The following HIPK3 variants were observed in gnomAD, a reference collection of about 807,000 sequenced individuals.
HIPK3 encodes homeodomain-interacting protein kinase 3.
HIPK3 carries 47 observed loss-of-function variants against 124.2 expected under a neutral mutation model. That is an observed-to-expected ratio of 0.38 (90% CI 0.30 to 0.48). HIPK3 has a LOEUF of 0.48. HIPK3 is among the 20% of genes least tolerant of loss of function. HIPK3 has a pLI of 0.98. For synonymous variants in HIPK3, 482 were observed against 515.2 expected, an observed-to-expected ratio of 0.94 and a Z score of 0.87; for missense variants, 1,286 against 1,454.3, an observed-to-expected ratio of 0.88 and a Z score of 1.88.
intron 1 of HIPK3, among the ~76,000 whole-genome samples, chr11:33,275,316 G>A (rs1341146614): frequency 6.6e-6 from 1 of 152,168 alleles, no homozygotes; most frequent in Admixed American, 6.5e-5. Context: ...GGGATTACAG[G>A]TGTAAGCCAC....
At chr11:33,344,454 T>G (rs965371914) in intron 8 of HIPK3, among the ~76,000 whole-genome samples, 1 of 152,182 alleles carries the variant, frequency 6.6e-6, no homozygotes, top group Non-Finnish European at 1.5e-5. Flanking sequence ...TAAAGAGACT[T>G]CGGAGACACA....
chr11:33,292,186 G>A (rs1311728186), intron 2 of HIPK3, among the ~76,000 whole-genome samples: 2 of 152,136 alleles, frequency 1.3e-5, no homozygotes. Context: ...AGTTAAGACT[G>A]GGTGGCATTA....
chr11:33,317,274 A>ATTTTTT lies in HIPK3; in HGVS notation c.1098-11221_1098-11216dup, dbSNP rs3028961. Among the ~76,000 whole-genome samples the ATTTTTT allele has an allele frequency of 1.4e-4, 14 of 102,212 alleles. 1 individual carries two copies. The highest frequency in any genetic ancestry group is 6.4e-3 in the Middle Eastern group (1 of 156). The allele number at this position is 102,212 out of a possible 152,430, so 67.1% of individuals were successfully genotyped here. On this transcript the variant is annotated intron_variant, in intron 2 of 16. Transcript: ENST00000303296. ...GGCGTGAGCCACTGTGCCTGGCCCT[A>ATTTTTT]TTTTTTTTTTTTTTTTTTTTGAGTC...
intron 2 of HIPK3, among the ~76,000 whole-genome samples, chr11:33,296,139 T>A (rs1851837344): frequency 6.6e-6 from 1 of 152,204 alleles, no homozygotes; most frequent in Non-Finnish European, 1.5e-5. Flanking sequence ...GTTGTAAATA[T>A]CACTCATCAT....
intron 2 of HIPK3, among the ~76,000 whole-genome samples, chr11:33,289,946 G>A (rs1180430855): frequency 6.6e-6 from 1 of 152,092 alleles, no homozygotes; most frequent in South Asian, 2.1e-4. Flanking sequence ...CTTATTTCAC[G>A]TAACATAATG....
chr11:33,273,022 T>C (rs1368855721), intron 1 of HIPK3, among the ~76,000 whole-genome samples: 1 of 150,464 alleles, frequency 6.6e-6, no homozygotes, highest in East Asian at 2.0e-4. Flanking sequence ...TAAATAGAGA[T>C]GGGGTCTTGC....
chr11:33,275,377 G>C (rs1851244820), intron 1 of HIPK3, among the ~76,000 whole-genome samples: 1 of 152,036 alleles, frequency 6.6e-6, no homozygotes, highest in Admixed American at 6.6e-5. Flanking sequence ...TTGAATGCTG[G>C]TAAAAATAAT....
At chr11:33,288,077 C>T (rs1218179074) in intron 2 of HIPK3, among the ~76,000 whole-genome samples, 2 of 152,118 alleles carry the variant, frequency 1.3e-5, no homozygotes, top group African/African-American at 2.4e-5. Flanking sequence ...CATGTCAATG[C>T]CCAAAAAGTT....
chr11:33,328,777 T>C, intron 3 of HIPK3, 144 bp downstream of exon 3: 1 of 644,098 alleles, frequency 1.6e-6, no homozygotes, highest in South Asian at 2.8e-5. Context: ...GTAGAATTGA[T>C]TTTGAAAACT....
At chr11:33,323,425 T>TA (rs1377000946) in intron 2 of HIPK3, among the ~76,000 whole-genome samples, 1 of 152,130 alleles carries the variant, frequency 6.6e-6, no homozygotes, top group Non-Finnish European at 1.5e-5. Context: ...TGTATTTTAG[T>TA]AGAGACAGAG....
At chr11:33,292,605 A>C (rs1172531303) in intron 2 of HIPK3, among the ~76,000 whole-genome samples, 1 of 152,222 alleles carries the variant, frequency 6.6e-6, no homozygotes, top group East Asian at 1.9e-4. Flanking sequence ...AAAAAAGCTC[A>C]GCATTGGGAT....
At chr11:33,337,866 G>T (rs914518571) in intron 4 of HIPK3, among the ~76,000 whole-genome samples, 1 of 151,934 alleles carries the variant, frequency 6.6e-6, no homozygotes, top group East Asian at 1.9e-4. Context: ...TAGAGACAGG[G>T]TTTCACCATG....
At chr11:33,348,103 C>A in intron 11 of HIPK3, 63 bp from the exon 12 acceptor site, 7 of 1,604,512 alleles carry the variant, frequency 4.4e-6, no homozygotes, top group Non-Finnish European at 6.0e-6. Flanking sequence ...CTGTTGTATT[C>A]AAAATGACCT....
chr11:33,284,042 G>A (rs745861143), intron 1 of HIPK3, among the ~76,000 whole-genome samples: 1 of 152,282 alleles, frequency 6.6e-6, no homozygotes, highest in African/African-American at 2.4e-5. Context: ...TGTAAATAAA[G>A]TGTTAAACTG....
At chr11:33,314,884 ATT>A (rs2133949086) in intron 2 of HIPK3, among the ~76,000 whole-genome samples, 1 of 152,338 alleles carries the variant, frequency 6.6e-6, no homozygotes. Flanking sequence ...AGTCAGATAA[ATT>A]TAAGACATAA....
intron 1 of HIPK3, among the ~76,000 whole-genome samples, 179 bp from the exon 2 acceptor site, chr11:33,286,228 TATAAAG>T (rs1357763386): frequency 6.6e-6 from 1 of 152,194 alleles, no homozygotes; most frequent in East Asian, 1.9e-4. Context: ...ATGGAGATAT[TATAAAG>T]ATAGTTATCT....
chr11:33,291,905 A>G (rs747706820), intron 2 of HIPK3, among the ~76,000 whole-genome samples: 1 of 152,174 alleles, frequency 6.6e-6, no homozygotes, highest in Non-Finnish European at 1.5e-5. Flanking sequence ...GCTATTTTGC[A>G]TGTAATAGTT....
intron 1 of HIPK3, among the ~76,000 whole-genome samples, chr11:33,277,801 C>T (rs966330061): frequency 1.3e-5 from 2 of 152,176 alleles, no homozygotes; most frequent in African/African-American, 4.8e-5. Flanking sequence ...TTGCCCTATT[C>T]TTCAACAGTG....
At chr11:33,323,317 C>T (rs1472345070) in intron 2 of HIPK3, among the ~76,000 whole-genome samples, 1 of 152,134 alleles carries the variant, frequency 6.6e-6, no homozygotes, top group Non-Finnish European at 1.5e-5. Flanking sequence ...GATCTTGGCT[C>T]ACTGCAACCT....
Sources: gnomAD v4.1 joint callset for allele counts (sites outside exome capture counted in the v4.1 genomes callset) on GRCh38, gnomAD v4.1.1 for gene constraint, MANE v1.5 for transcripts, NCBI Gene and HGNC (gene_info 2026-07-23, HGNC 2026-07-21) for gene names.